The following FOXK2 variants were observed in gnomAD, a reference collection of about 807,000 sequenced individuals.
The protein encoded by FOXK2 is forkhead box protein K2.
FOXK2 carries 24 observed loss-of-function variants against 53.3 expected under a neutral mutation model. The observed-to-expected ratio is 0.45, with a 90% CI of 0.33 to 0.63. The LOEUF (loss-of-function observed/expected upper bound fraction) is 0.63. Ranked by LOEUF, FOXK2 falls within the 30% of genes least tolerant of loss-of-function variation. The pLI is 0.03. For missense variants in FOXK2, 952 were observed against 910.5 expected (o/e 1.05, Z -0.59); for synonymous variants, 505 against 407.1 (o/e 1.24, Z -2.89).
At chr17:82,553,290 A>G (rs2144096390) in intron 1 of FOXK2, among the ~76,000 whole-genome samples, 1 of 152,322 alleles carries the variant, frequency 6.6e-6, no homozygotes, top group African/African-American at 2.4e-5. Context: ...ATTTTTTCTG[A>G]GTCGCCTGAG....
intron 4 of FOXK2, among the ~76,000 whole-genome samples, chr17:82,575,841 C>T (rs1026723744): frequency 6.6e-6 from 1 of 152,240 alleles, no homozygotes; most frequent in Non-Finnish European, 1.5e-5. Flanking sequence ...TAAAGAGATG[C>T]AGATGCGCAA....
rs1018630353 is a variant in FOXK2 at position 82,587,797 on chromosome 17, G to A, written c.1786+525G>A. ...ATCTACCTTCGCCCTGCCCTGTGGA[G>A]TGTGGAAAGGGTGGGAGTCCCTGCT... is the stretch of plus-strand genomic sequence containing the variant. On this transcript the variant is annotated intron_variant, in intron 8 of 8. Coordinates refer to ENST00000335255, the MANE Select transcript of FOXK2 (RefSeq NM_004514.4). Among the ~76,000 whole-genome samples, 3 of 152,230 alleles carry A rather than the reference G, an allele frequency of 2.0e-5. No individual in the cohort carries two copies. In the East Asian group the frequency reaches 5.8e-4, roughly 29 times the overall value.
intron 1 of FOXK2, among the ~76,000 whole-genome samples, chr17:82,543,181 C>T (rs1567968505): frequency 1.3e-5 from 2 of 152,066 alleles, no homozygotes; most frequent in African/African-American, 4.8e-5. Flanking sequence ...TCTAAATCCA[C>T]AACTATTTTT....
chr17:82,595,911 C>G, intron 8 of FOXK2: 3 of 1,273,776 alleles, frequency 2.4e-6, no homozygotes, highest in South Asian at 2.5e-5. Context: ...TCCGGCAGCC[C>G]GGAACCTGGG....
intron 1 of FOXK2, among the ~76,000 whole-genome samples, chr17:82,527,884 T>G (rs1222124190): frequency 6.6e-6 from 1 of 152,198 alleles, no homozygotes; most frequent in Non-Finnish European, 1.5e-5. Context: ...CACTGCAGCC[T>G]TGAACTCCTG....
intron 1 of FOXK2, among the ~76,000 whole-genome samples, chr17:82,553,732 A>G (rs975548932): frequency 3.3e-5 from 5 of 152,242 alleles, no homozygotes; most frequent in African/African-American, 7.2e-5. Context: ...GCTAAGCTCC[A>G]GGGACACAGC....
intron 8 of FOXK2, chr17:82,587,574 G>A: frequency 2.4e-6 from 1 of 425,108 alleles, no homozygotes; most frequent in Non-Finnish European, 4.4e-6. Flanking sequence ...GAAACGGCGG[G>A]AGCCGCCGCG....
intron 1 of FOXK2, among the ~76,000 whole-genome samples, chr17:82,554,912 A>AT (rs929208830): frequency 3.9e-4 from 58 of 148,836 alleles, no homozygotes; most frequent in African/African-American, 5.9e-4. Context: ...TGCCCGACTA[A>AT]TTTTTTTTTT....
intron 5 of FOXK2, among the ~76,000 whole-genome samples, chr17:82,583,410 G>A (rs932504593): frequency 1.3e-5 from 2 of 152,140 alleles, no homozygotes; most frequent in Non-Finnish European, 2.9e-5. Flanking sequence ...AGCCGGGCGC[G>A]GTGGCGCGCG....
intron 8 of FOXK2, among the ~76,000 whole-genome samples, chr17:82,595,249 G>A (rs1414970807): frequency 6.6e-6 from 1 of 152,146 alleles, no homozygotes; most frequent in Non-Finnish European, 1.5e-5. Context: ...CTTGTGACAG[G>A]TAATAGTGGA....
intron 6 of FOXK2, 38 bp from the exon 7 acceptor site, chr17:82,585,866 G>T: frequency 6.3e-7 from 1 of 1,582,462 alleles, no homozygotes; most frequent in Non-Finnish European, 8.6e-7. Context: ...GTAGAAGTCA[G>T]TATCTGTAAG....
intron 8 of FOXK2, 146 bp from the exon 9 acceptor site, chr17:82,601,157 C>T: frequency 1.1e-6 from 1 of 871,154 alleles, no homozygotes; most frequent in Non-Finnish European, 1.7e-6. Flanking sequence ...CTCCGCGGGC[C>T]TGGGAGTGGC....
At position 82,586,075 on chromosome 17, in the gene FOXK2, G is replaced by C; in HGVS notation, c.1451G>C (p.Ser484Thr). ...CAGATCCCAGCGGTGTCGGTCACCA[G>C]TGTGGCCGGACTGGCCCCAGCGAAC... ...VHQIPAVSVT[S>T]VAGLAPANTY... The change falls in exon 7 of 9, where the codon AGT becomes ACT. Residue 484 changes from serine to threonine, a missense_variant. By Grantham distance (58) the Ser-to-Thr change is moderately conservative. Coordinates refer to ENST00000335255, the MANE Select transcript of FOXK2 (RefSeq NM_004514.4). 1.9e-6 allele frequency: 3 copies of C among 1,612,812 alleles called. No individual in the cohort carries two copies. The highest frequency in any genetic ancestry group is 2.7e-5 in the African/African-American group (2 of 75,074).
At chr17:82,571,605 A>G in intron 3 of FOXK2, 119 bp from the exon 4 acceptor site, 3 of 1,109,174 alleles carry the variant, frequency 2.7e-6, no homozygotes, top group South Asian at 4.0e-5. Flanking sequence ...TGTCTCAAAA[A>G]AAAGACAAAT....
chr17:82,558,922 G>GT (rs1019523726), intron 1 of FOXK2, among the ~76,000 whole-genome samples: 9 of 152,010 alleles, frequency 5.9e-5, no homozygotes, highest in African/African-American at 9.7e-5. Context: ...AGTTTTTTGT[G>GT]TTTTTTTCAG....
At chr17:82,522,920 G>C (rs764093915) in intron 1 of FOXK2, among the ~76,000 whole-genome samples, 2 of 152,040 alleles carry the variant, frequency 1.3e-5, no homozygotes, top group African/African-American at 4.8e-5. Context: ...TCAGCCTCCT[G>C]AGTAGCTGGG....
At chr17:82,586,761 C>T (rs187861585) in intron 7 of FOXK2, among the ~76,000 whole-genome samples, 44 of 152,162 alleles carry the variant, frequency 2.9e-4, no homozygotes, top group African/African-American at 1.0e-3. Flanking sequence ...ATCAGCTGGG[C>T]ATGGTGGCGG....
intron 1 of FOXK2, among the ~76,000 whole-genome samples, chr17:82,524,294 G>A (rs1438774132): frequency 6.6e-6 from 1 of 152,140 alleles, no homozygotes; most frequent in African/African-American, 2.4e-5. Context: ...TCTCTTATTT[G>A]AACCACAATG....
At chr17:82,590,002 G>A (rs2045237076) in intron 8 of FOXK2, among the ~76,000 whole-genome samples, 1 of 151,018 alleles carries the variant, frequency 6.6e-6, no homozygotes, top group South Asian at 2.1e-4. Context: ...GCCGAGTTCA[G>A]ACCACTGCAC....
Sources: gnomAD v4.1 joint callset for allele counts (sites outside exome capture counted in the v4.1 genomes callset) on GRCh38, gnomAD v4.1.1 for gene constraint, MANE v1.5 for transcripts, NCBI Gene and HGNC (gene_info 2026-07-23, HGNC 2026-07-21) for gene names.